The following NTHL1 variants were observed in gnomAD, a reference collection of about 807,000 sequenced individuals.
NTHL1 encodes the protein endonuclease III-like protein 1.
Under a neutral mutation model 32.3 loss-of-function variants are expected in NTHL1, and 32 were observed. The observed-to-expected ratio is 0.99, with a 90% CI of 0.75 to 1.33. The LOEUF (loss-of-function observed/expected upper bound fraction) is 1.33. Among genes scored for constraint, NTHL1 ranks in the 40% most tolerant of loss-of-function variants. NTHL1 has a pLI of 0.00. For synonymous variants in NTHL1, 188 were observed against 176.9 expected (o/e 1.06, Z -0.50); for missense variants, 501 against 414.1 (o/e 1.21, Z -1.82).
Position 2,047,820 on chromosome 16 carries a change from T to C in NTHL1, c.4A>G (p.Thr2Ala), listed in dbSNP as rs1346158495. Residue 2 changes from threonine to alanine, a missense_variant, in exon 1 of 6, where the codon ACC becomes GCC. Coordinates refer to ENST00000651570, the MANE Select transcript of NTHL1 (RefSeq NM_002528.7). MTALSARMLTRS... is the reference protein window; with the variant it reads MAALSARMLTRS... ...GTCAGCATCCTCGCGCTCAAGGCGG[T>C]CATGCCGGACTCCTGCGGACTACAC... 6.3e-7 allele frequency: 1 copy of C among 1,594,088 alleles called. No homozygotes were observed. Among genetic ancestry groups the C allele is most frequent in the Admixed American group, 1.7e-5 (1 of 59,308 alleles).
In NTHL1 at chr16:2,039,825, A is replaced by G; in HGVS notation, c.*99T>C. Reference sequence around the variant, plus strand: ...GACATCAGCCAGATCCCATCTGCAAACACACCAAAGCTTTATTCAACAGGC... The same window carrying G: ...GACATCAGCCAGATCCCATCTGCAAGCACACCAAAGCTTTATTCAACAGGC... On this transcript the variant is annotated 3_prime_UTR_variant, in exon 6 of 6. Coordinates refer to ENST00000651570, the MANE Select transcript of NTHL1 (RefSeq NM_002528.7). 6.4e-7 allele frequency: 1 copy of G among 1,550,856 alleles called. No individual in the cohort carries two copies. The highest frequency in any genetic ancestry group is 8.8e-7 in the Non-Finnish European group (1 of 1,141,404).
rs1376479687 is a variant in NTHL1, at chr16:2,040,028, T to A, written c.811A>T (p.Asn271Tyr). 6.2e-7 allele frequency: 1 copy of A among 1,611,934 alleles called. No individual in the cohort carries two copies. Among genetic ancestry groups the A allele is most frequent in the African/African-American group, 1.3e-5 (1 of 74,812 alleles). The part of the protein sequence containing the change: ...WLPRELWHEI[N>Y]GLLVGFGQQT... ...TGGCCGAAGCCCACCAAGAGTCCAT[T>A]GATCTCGTGCCACAGCTCCCTGTGG... The change falls in exon 6 of 6, where the codon AAT becomes TAT. Residue 271 changes from asparagine to tyrosine, a missense_variant. Asn to Tyr is a moderately radical substitution (Grantham distance 143). Coordinates refer to ENST00000651570, the MANE Select transcript of NTHL1 (RefSeq NM_002528.7).
Position 2,040,297 on chromosome 16 carries a change from C to T in NTHL1, c.686-59G>A, listed in dbSNP as rs552073500. The T allele has an allele frequency of 2.5e-4, 382 of 1,518,374 alleles. No homozygotes were observed. In the African/African-American group the frequency reaches 2.8e-3, roughly 11 times the overall value. The allele number at this position is 1,518,374 out of a possible 1,614,324, so 94.1% of individuals were successfully genotyped here. On this transcript the variant is annotated intron_variant, in intron 4 of 5. Coordinates refer to ENST00000651570, the MANE Select transcript of NTHL1 (RefSeq NM_002528.7). ...CACTCCACCAGCCTAGCCCGTGCCC[C>T]TCCCCGCCCAGAGGCGAGTCTGCCA... is the stretch of plus-strand genomic sequence containing the variant.
rs2084389434 is a variant in NTHL1, at chr16:2,046,379, C to A, written c.116-13G>T. On this transcript the variant is annotated splice_polypyrimidine_tract_variant and intron_variant, in intron 1 of 5. Coordinates refer to ENST00000651570, the MANE Select transcript of NTHL1 (RefSeq NM_002528.7). ...CTTTTCCTCGCTTCTGCAAAAAGCA[C>A]CACGCAGTCCCTCTGGTGGGGCCAC... 4.4e-6 allele frequency: 7 copies of A among 1,600,396 alleles called. No individual in the cohort carries two copies. Among genetic ancestry groups the A allele is most frequent in the African/African-American group, 4.0e-5 (3 of 74,824 alleles).
chr16:2,041,969 T>A, intron 4 of NTHL1: 1 of 450,460 alleles, frequency 2.2e-6, no homozygotes, highest in Non-Finnish European at 4.5e-6. Context: ...GCCAGGCTGA[T>A]CTTGAACTCC....
In NTHL1 at chr16:2,046,362, C is replaced by G; in HGVS notation, c.120G>C (p.Ala40=). 2.5e-6 allele frequency: 4 copies of G among 1,604,278 alleles called. No homozygotes were observed. The highest frequency in any genetic ancestry group is 1.7e-6 in the Non-Finnish European group (2 of 1,173,700). Residue 40 remains alanine, a synonymous_variant, in exon 2 of 6, where the codon GCG becomes GCC. Transcript: ENST00000651570. The part of the protein sequence containing the change: ...PLRRREAAAE[A]RKSHSPVKRP... Reference sequence around the variant, plus strand: ...GCTTCACGGGGCTGTGGCTTTTCCTCGCTTCTGCAAAAAGCACCACGCAGT... The same window carrying G: ...GCTTCACGGGGCTGTGGCTTTTCCTGGCTTCTGCAAAAAGCACCACGCAGT...
intron 4 of NTHL1, chr16:2,040,547 T>G: frequency 2.0e-6 from 1 of 495,980 alleles, no homozygotes; most frequent in Non-Finnish European, 3.7e-6. Context: ...GGTCTCTGCT[T>G]TGGGCAGGGC....
chr16:2,047,788 G>A lies in NTHL1; in HGVS notation c.36C>T (p.Ser12=), dbSNP rs1216311147. ...TALSARMLTR[S]RSLGPGAGPR... ...GCCCAGCCCCGGGTCCCAGGCTCCG[G>A]CTCCGGGTCAGCATCCTCGCGCTCA... The change falls in exon 1 of 6, where the codon AGC becomes AGT. Residue 12 remains serine, a synonymous_variant. Coordinates refer to ENST00000651570, the MANE Select transcript of NTHL1 (RefSeq NM_002528.7). The A allele has an allele frequency of 5.0e-6, 8 of 1,590,364 alleles. No individual in the cohort carries two copies. Among genetic ancestry groups the A allele is most frequent in the South Asian group, 2.3e-5 (2 of 88,818 alleles).
chr16:2,046,100 C>A, intron 2 of NTHL1, 28 bp downstream of exon 2: 3 of 1,574,934 alleles, frequency 1.9e-6, no homozygotes, highest in Non-Finnish European at 2.6e-6. Flanking sequence ...GATGGGGGGT[C>A]ATCTGGGCAG....
rs2084316654 is a variant in NTHL1, at chr16:2,044,655, A to C, written c.500T>G (p.Leu167Arg). 1 of 1,608,342 alleles carries C rather than the reference A, an allele frequency of 6.2e-7. No individual in the cohort carries two copies. Among genetic ancestry groups the C allele is most frequent in the South Asian group, 1.1e-5 (1 of 91,080 alleles). Residue 167 changes from leucine (L) to arginine (R), a missense_variant, in exon 3 of 6, where the codon CTC (leucine) becomes CGC (arginine). By Grantham distance (102) the Leu-to-Arg change is moderately radical. Coordinates refer to ENST00000651570, the MANE Select transcript of NTHL1 (RefSeq NM_002528.7). This position sits in a 1 kb window ranked among gnomAD's most constrained non-coding sequence, Gnocchi z 5.0. ...CCTCCAGAAACCGACGGGGTAGATG[A>C]GCTTGCCCAGCGTGGCATCATCTGT... ...LQTDDATLGKLIYPVGFWRSK... is the reference protein window; with the variant it reads ...LQTDDATLGKRIYPVGFWRSK...
chr16:2,044,468 G>A lies in NTHL1; in HGVS notation c.525+162C>T, dbSNP rs963637828. 2.6e-5 allele frequency among the ~76,000 whole-genome samples: 4 copies of A among 152,292 alleles called. No individual in the cohort carries two copies. The highest frequency in any genetic ancestry group is 4.4e-5 in the Non-Finnish European group (3 of 68,004). ...GGCCAAGGAGCTGCTGGGACTGGGC[G>A]TCAGGCCTCAGGGCCCCACGGCCTG... On this transcript the variant is annotated intron_variant, in intron 3 of 5. Transcript: ENST00000651570. This position sits in a 1 kb window ranked among gnomAD's most constrained non-coding sequence, Gnocchi z 5.0.
At chr16:2,041,041 T>C (rs1431163600) in intron 4 of NTHL1, among the ~76,000 whole-genome samples, 1 of 152,222 alleles carries the variant, frequency 6.6e-6, no homozygotes, top group African/African-American at 2.4e-5. Flanking sequence ...GTCTGCTCAC[T>C]GGGGCTCCCT....
At chr16:2,042,281 C>A (rs1480066752) in intron 4 of NTHL1, 1 of 354,184 alleles carries the variant, frequency 2.8e-6, no homozygotes, top group African/African-American at 2.2e-5. Flanking sequence ...GGGACACGGG[C>A]AGCTGAGGAC....
At chr16:2,042,186 C>G (rs187736362) in intron 4 of NTHL1, 1 of 438,680 alleles carries the variant, frequency 2.3e-6, no homozygotes, top group African/African-American at 2.0e-5. Context: ...TCTCTTGTGC[C>G]CGCTGCTCCC....
rs2084295907 is a variant in NTHL1, at chr16:2,043,400, C to A, written c.685+167G>T. The A allele has an allele frequency of 1.1e-6, 1 of 898,328 alleles. No individual in the cohort carries two copies. The highest frequency in any genetic ancestry group is 1.7e-6 in the Non-Finnish European group (1 of 590,856). The allele number at this position is 898,328 out of a possible 1,614,324, so 55.6% of individuals were successfully genotyped here. On this transcript the variant is annotated intron_variant, in intron 4 of 5. Transcript: ENST00000651570. This position sits in a 1 kb window ranked among gnomAD's most constrained non-coding sequence, Gnocchi z 4.4. ...GCCCATGTGACCTCCTGCCCCAGCA[C>A]CTGTCTCTGAGTGGGGCTGGCCTGG...
At chr16:2,042,600 T>A (rs1320611537) in intron 4 of NTHL1, among the ~76,000 whole-genome samples, 1 of 152,042 alleles carries the variant, frequency 6.6e-6, no homozygotes, top group Admixed American at 6.5e-5. Flanking sequence ...CTGGACTGGC[T>A]GGGCCCGGCT....
Position 2,044,434 on chromosome 16 carries a change from G to A in NTHL1, c.525+196C>T, listed in dbSNP as rs906629671. ...AAGCAGAGGAAGGAAGGGAGGATGC[G>A]AACAGGAAGGCCAAGGAGCTGCTGG... On this transcript the variant is annotated intron_variant, in intron 3 of 5. Transcript: ENST00000651570. The surrounding 1 kb of genome is among the most constrained non-coding windows in gnomAD (Gnocchi z 5.0). 5.9e-5 allele frequency among the ~76,000 whole-genome samples: 9 copies of A among 152,292 alleles called. No individual in the cohort carries two copies. The highest frequency in any genetic ancestry group is 1.2e-4 in the Non-Finnish European group (8 of 68,018).
chr16:2,043,469 G>T lies in NTHL1; in HGVS notation c.685+98C>A. 2.0e-6 allele frequency: 3 copies of T among 1,517,332 alleles called. No individual in the cohort carries two copies. Among genetic ancestry groups the T allele is most frequent in the Non-Finnish European group, 2.7e-6 (3 of 1,114,282 alleles). 94.0% of individuals were successfully genotyped at this position (1,517,332 alleles called of 1,614,324 possible). A position where few individuals can be genotyped will look rare whatever the true frequency, so the allele number is the denominator to read the frequency against. On this transcript the variant is annotated intron_variant, in intron 4 of 5. Coordinates refer to ENST00000651570, the MANE Select transcript of NTHL1 (RefSeq NM_002528.7). The surrounding 1 kb of genome is among the most constrained non-coding windows in gnomAD (Gnocchi z 4.4). ...TTTCTGACTCTATGGGCTGGGTGGA[G>T]GACCAGCATGCTGGAAGTGGAGTCA...
chr16:2,043,950 G>C lies in NTHL1; in HGVS notation c.526-224C>G. ...CCACCCGTGTGGGCCAATGATGCACGTGTAGGCTCTGGCTGGGGTTCCCCT... is the reference window on the plus strand; with the variant it reads ...CCACCCGTGTGGGCCAATGATGCACCTGTAGGCTCTGGCTGGGGTTCCCCT... On this transcript the variant is annotated intron_variant, in intron 3 of 5. Transcript: ENST00000651570. This position sits in a 1 kb window ranked among gnomAD's most constrained non-coding sequence, Gnocchi z 4.4. 2 of 581,450 alleles carry C rather than the reference G, an allele frequency of 3.4e-6. No homozygotes were observed. The highest frequency in any genetic ancestry group is 5.8e-5 in the East Asian group (2 of 34,468). The allele number at this position is 581,450 out of a possible 1,614,324, so 36.0% of individuals were successfully genotyped here.
Sources: gnomAD v4.1 joint callset for allele counts (sites outside exome capture counted in the v4.1 genomes callset) on GRCh38, gnomAD v4.1.1 for gene constraint, Gnocchi (gnomAD v3.1) non-coding constraint, MANE v1.5 for transcripts, NCBI Gene and HGNC (gene_info 2026-07-23, HGNC 2026-07-21) for gene names.